Variants in DARS1 observed in about 807,000 individuals in gnomAD.
DARS1 encodes the protein aspartate--tRNA ligase, cytoplasmic.
A neutral mutation model predicts 68.8 loss-of-function variants in DARS1; 51 were observed. The ratio of observed to expected loss-of-function variants is 0.74; its 90% CI spans 0.59 to 0.94. The LOEUF is 0.94. Ranked by LOEUF, DARS1 falls within the 40% of genes least tolerant of loss-of-function variation. The probability of loss-of-function intolerance (pLI) is 0.00; values close to 1 mark genes in which losing one functional copy is unlikely to be tolerated. For synonymous variants in DARS1, 203 were observed against 190.4 expected (o/e 1.07, Z -0.55); for missense variants, 607 against 597.3 (o/e 1.02, Z -0.17).
chr2:135,937,055 T>A lies in DARS1; in HGVS notation c.424-3065A>T, dbSNP rs558207172. Among the ~76,000 whole-genome samples the A allele has an allele frequency of 2.6e-5, 4 of 152,232 alleles. No individual in the cohort carries two copies. In the East Asian group the frequency reaches 7.7e-4, roughly 29 times the overall value. On this transcript the variant is annotated intron_variant, in intron 5 of 15. Coordinates refer to ENST00000264161, the MANE Select transcript of DARS1 (RefSeq NM_001349.4). ...CTGTAGGTTCAAACTGGCAGGGTTA[T>A]TTCAATAGTACTAAATATGTGTGAA...
At chr2:135,961,337 T>TG (rs1682095218) in intron 4 of DARS1, 59 bp downstream of exon 4, 1 of 861,202 alleles carries the variant, frequency 1.2e-6, no homozygotes, top group South Asian at 1.3e-5. Flanking sequence ...TCCAAACCCC[T>TG]GGGAGTCTTG....
intron 9 of DARS1, among the ~76,000 whole-genome samples, chr2:135,921,079 C>T (rs1346289501): frequency 6.7e-6 from 1 of 149,208 alleles, no homozygotes; most frequent in East Asian, 2.1e-4. Context: ...GAGGAAAAGG[C>T]ACTGAGGATA....
chr2:135,910,680 C>T (rs903039124), intron 15 of DARS1, among the ~76,000 whole-genome samples: 1 of 152,112 alleles, frequency 6.6e-6, no homozygotes, highest in African/African-American at 2.4e-5. Context: ...TTCAATGAAA[C>T]TATACATTCA....
In DARS1 at chr2:135,981,377, G is replaced by A. The variant is rs530487033; in HGVS notation, c.125-2011C>T. Among the ~76,000 whole-genome samples the A allele has an allele frequency of 3.3e-5, 5 of 152,142 alleles. No individual in the cohort carries two copies. In the East Asian group the frequency reaches 9.7e-4, roughly 29 times the overall value. On this transcript the variant is annotated intron_variant, in intron 2 of 15. Coordinates refer to ENST00000264161, the MANE Select transcript of DARS1 (RefSeq NM_001349.4). ...GGAATATCATCCCCTATACTCTATT[G>A]CTCATAGTCTATTTTACATAGGTTG...
chr2:135,931,039 G>A (rs1035107784), intron 7 of DARS1, among the ~76,000 whole-genome samples: 2 of 152,194 alleles, frequency 1.3e-5, no homozygotes, highest in East Asian at 1.9e-4. Flanking sequence ...CAGGGCACCT[G>A]CCTGTAAAGT....
intron 5 of DARS1, among the ~76,000 whole-genome samples, chr2:135,939,545 C>T (rs1257061580): frequency 1.3e-5 from 2 of 152,108 alleles, no homozygotes; most frequent in East Asian, 1.9e-4. Context: ...TAAATGCCCA[C>T]AAGAGAAAGC....
chr2:135,916,344 T>G lies in DARS1; in HGVS notation c.988A>C (p.Lys330Gln). The change falls in exon 11 of 16, where the codon AAA (lysine) becomes CAA (glutamine). Residue 330 changes from lysine to glutamine, a missense_variant. Physicochemically the swap from Lys to Gln is moderately conservative, Grantham distance 53. Coordinates refer to ENST00000264161, the MANE Select transcript of DARS1 (RefSeq NM_001349.4). ...RFQTEIQTVN[K>Q]QFPCEPFKFL... Reference sequence around the variant, plus strand: ...TTGAATGGCTCACATGGGAACTGTTTATTCACTGTTTGAATTTCAGTCTGA... The same window carrying G: ...TTGAATGGCTCACATGGGAACTGTTGATTCACTGTTTGAATTTCAGTCTGA... 1 of 1,510,152 alleles carries G rather than the reference T, an allele frequency of 6.6e-7. No individual in the cohort carries two copies. The allele number at this position is 1,510,152 out of a possible 1,614,324, so 93.5% of individuals were successfully genotyped here. A position where few individuals can be genotyped will look rare whatever the true frequency, so the allele number is the denominator to read the frequency against.
intron 2 of DARS1, among the ~76,000 whole-genome samples, chr2:135,980,822 T>C (rs1682613559): frequency 6.6e-6 from 1 of 152,180 alleles, no homozygotes; most frequent in African/African-American, 2.4e-5. Context: ...ATTAGGATAA[T>C]TTTACTAGCA....
At chr2:135,941,176 G>C (rs979414557) in intron 5 of DARS1, among the ~76,000 whole-genome samples, 2 of 152,060 alleles carry the variant, frequency 1.3e-5, no homozygotes, top group African/African-American at 4.8e-5. Context: ...AGTTCATATG[G>C]AACCAAAAAA....
chr2:135,972,565 A>G (rs1187667426), intron 3 of DARS1, among the ~76,000 whole-genome samples: 1 of 152,184 alleles, frequency 6.6e-6, no homozygotes, highest in Admixed American at 6.5e-5. Context: ...TGAAGTAGAA[A>G]TGGACAAATG....
rs1424540160 is a variant in DARS1, at chr2:135,909,528, G to A, written c.1414+1611C>T. On this transcript the variant is annotated intron_variant, in intron 15 of 15. Transcript: ENST00000264161. Reference sequence around the variant, plus strand: ...CTACTCTTTTAGCAATTTTCAATGTGGAACAATGGATCTCCAGAACTTAAT... The same window carrying A: ...CTACTCTTTTAGCAATTTTCAATGTAGAACAATGGATCTCCAGAACTTAAT... 2.6e-5 allele frequency among the ~76,000 whole-genome samples: 4 copies of A among 152,200 alleles called. No homozygotes were observed. In the East Asian group the frequency reaches 7.7e-4, roughly 29 times the overall value.
intron 4 of DARS1, among the ~76,000 whole-genome samples, chr2:135,956,399 G>A (rs1043405061): frequency 3.9e-5 from 6 of 152,182 alleles, no homozygotes; most frequent in Admixed American, 1.3e-4. Context: ...CAGGATTCTT[G>A]TTGAAGGCAG....
intron 5 of DARS1, among the ~76,000 whole-genome samples, chr2:135,934,753 C>A (rs1681428294): frequency 6.6e-6 from 1 of 151,734 alleles, no homozygotes; most frequent in African/African-American, 2.4e-5. Flanking sequence ...TGTGAAAACA[C>A]TTTACTCATG....
intron 4 of DARS1, among the ~76,000 whole-genome samples, chr2:135,954,280 C>T (rs1681911279): frequency 7.0e-6 from 1 of 141,910 alleles, no homozygotes; most frequent in South Asian, 2.2e-4. Flanking sequence ...TTTCACATCT[C>T]GATTTCCTCA....
intron 10 of DARS1, among the ~76,000 whole-genome samples, chr2:135,917,346 C>T (rs1325364377): frequency 1.3e-5 from 2 of 151,878 alleles, no homozygotes; most frequent in Admixed American, 6.6e-5. Flanking sequence ...ATTGCACATC[C>T]TTTTGTATGT....
chr2:135,907,411 G>C lies in DARS1; in HGVS notation c.1415-4C>G, dbSNP rs1680811750. On this transcript the variant is annotated splice_polypyrimidine_tract_variant and splice_region_variant and intron_variant, in intron 15 of 15. Coordinates refer to ENST00000264161, the MANE Select transcript of DARS1 (RefSeq NM_001349.4). ...AGCATAGTAACTCGTTCCAATCCTG[G>C]GGAAGACAAAAATAATCATTAATTC... is the stretch of plus-strand genomic sequence containing the variant. 1 of 1,603,214 alleles carries C rather than the reference G, an allele frequency of 6.2e-7. No homozygotes were observed. Among genetic ancestry groups the C allele is most frequent in the African/African-American group, 1.3e-5 (1 of 74,392 alleles).
At chr2:135,915,107 T>TA (rs201601458) in intron 11 of DARS1, among the ~76,000 whole-genome samples, 95 of 147,006 alleles carry the variant, frequency 6.5e-4, no homozygotes, top group African/African-American at 1.7e-3. Context: ...TATATATATA[T>TA]TTTTTTTTGT....
chr2:135,966,456 C>T (rs1037767773), intron 3 of DARS1, among the ~76,000 whole-genome samples: 3 of 152,144 alleles, frequency 2.0e-5, no homozygotes, highest in African/African-American at 4.8e-5. Context: ...TGGAACTTTC[C>T]AACACAAAAG....
Position 135,932,857 on chromosome 2 carries a change from A to AG in DARS1, c.505-16_505-15insC. 1 of 1,157,832 alleles carries AG rather than the reference A, an allele frequency of 8.6e-7. No homozygotes were observed. The highest frequency in any genetic ancestry group is 1.3e-6 in the Non-Finnish European group (1 of 793,674). 71.7% of individuals were successfully genotyped at this position (1,157,832 alleles called of 1,614,324 possible). On this transcript the variant is annotated splice_polypyrimidine_tract_variant and intron_variant, in intron 6 of 15. Coordinates refer to ENST00000264161, the MANE Select transcript of DARS1 (RefSeq NM_001349.4). ...GCTCTTCCTTCCTAAAAAAAAAAAA[A>AG]AAGAAAAGAAAAAAATAAATTTTAC...
Sources: allele counts gnomAD v4.1 joint callset (sites outside exome capture counted in the v4.1 genomes callset), GRCh38; gene constraint gnomAD v4.1.1; transcripts MANE v1.5; gene names NCBI Gene and HGNC (gene_info 2026-07-23, HGNC 2026-07-21).